The following SCP2 variants were observed in gnomAD, a reference collection of about 807,000 sequenced individuals.
SCP2 encodes the protein SCP-2/3-oxoacyl-CoA thiolase.
Under a neutral mutation model 71.4 loss-of-function variants are expected in SCP2, and 48 were observed. The ratio of observed to expected loss-of-function variants is 0.67; its 90% confidence interval spans 0.53 to 0.86. The LOEUF is 0.86. SCP2 is among the 40% of genes least tolerant of loss of function. The pLI, the probability that SCP2 is intolerant of heterozygous loss-of-function variation, is 0.00. For synonymous variants in SCP2, 220 were observed against 218.1 expected, an observed-to-expected ratio of 1.01 and a Z score of -0.08; for missense variants, 560 against 655.6, an observed-to-expected ratio of 0.85 and a Z score of 1.59.
chr1:53,036,999 A>G (rs1484713709), intron 13 of SCP2, among the ~76,000 whole-genome samples: 1 of 151,910 alleles, frequency 6.6e-6, no homozygotes, highest in Admixed American at 6.6e-5. Context: ...AAAAATTAGC[A>G]TGGTGGCGTG....
intron 3 of SCP2, among the ~76,000 whole-genome samples, chr1:52,949,892 T>C (rs1256618601): frequency 1.3e-5 from 2 of 152,196 alleles, no homozygotes; most frequent in Non-Finnish European, 2.9e-5. Flanking sequence ...TAAGAGAAGT[T>C]ACTATTTATT....
chr1:52,945,340 T>C (rs1654679513), intron 2 of SCP2, among the ~76,000 whole-genome samples: 1 of 151,886 alleles, frequency 6.6e-6, no homozygotes, highest in South Asian at 2.1e-4. Context: ...TACTCGCCAC[T>C]GTGCACAGCT....
At chr1:53,027,801 C>T (rs995211610) in intron 12 of SCP2, among the ~76,000 whole-genome samples, 168 bp from the exon 13 acceptor site, 5 of 152,176 alleles carry the variant, frequency 3.3e-5, no homozygotes, top group African/African-American at 9.7e-5. Context: ...CCATCGCGCC[C>T]GGCCAAGCTT....
chr1:52,927,784 C>T (rs1011294451), intron 1 of SCP2, among the ~76,000 whole-genome samples: 1 of 152,096 alleles, frequency 6.6e-6, no homozygotes, highest in African/African-American at 2.4e-5. Flanking sequence ...GGAGGCAGGT[C>T]GCGAATGCCG....
At chr1:53,024,307 G>C (rs570337727) in intron 12 of SCP2, among the ~76,000 whole-genome samples, 4 of 152,182 alleles carry the variant, frequency 2.6e-5, no homozygotes, top group South Asian at 4.2e-4. Context: ...TTGGAAGCAG[G>C]GGGGAGTGAG....
At chr1:52,943,622 A>G (rs1654489552) in intron 2 of SCP2, 4 of 429,966 alleles carry the variant, frequency 9.3e-6, no homozygotes, top group Admixed American at 7.7e-5. Context: ...GGTGTCTTCA[A>G]AAAGGCCAAC....
rs1249356889 is a variant in SCP2 at position 52,995,917 on chromosome 1, A to G, written c.1081+7781A>G. The G allele has an allele frequency of 8.1e-6, 12 of 1,489,348 alleles. No individual in the cohort carries two copies. The Admixed American group carries it at 1.3e-4, about 17-fold the overall frequency. The allele number at this position is 1,489,348 out of a possible 1,614,324, so 92.3% of individuals were successfully genotyped here. ...AGGGCATGGATGAGACGAGAGTTCA[A>G]CAAGGCTGAGAGCAACATGAACGAC... is the stretch of plus-strand genomic sequence containing the variant. On this transcript the variant is annotated intron_variant, in intron 11 of 15. Transcript: ENST00000371514.
chr1:52,959,581 A>G (rs1656145693), intron 5 of SCP2, among the ~76,000 whole-genome samples: 1 of 151,938 alleles, frequency 6.6e-6, no homozygotes, highest in Non-Finnish European at 1.5e-5. Flanking sequence ...AAAGTTTTCA[A>G]TCTTCTGAGT....
At chr1:53,037,905 CACACACACACACACACA>C (rs1663089669) in intron 13 of SCP2, among the ~76,000 whole-genome samples, 1 of 102,728 alleles carries the variant, frequency 9.7e-6, no homozygotes, top group South Asian at 3.2e-4. Context: ...CACACACACA[CACACACACACACACACA>C]CACACACAGA....
chr1:52,966,843 A>G (rs1657009300), intron 6 of SCP2, among the ~76,000 whole-genome samples: 1 of 151,886 alleles, frequency 6.6e-6, no homozygotes, highest in South Asian at 2.1e-4. Flanking sequence ...CAGTGAGCCG[A>G]GATCATGCCA....
intron 11 of SCP2, among the ~76,000 whole-genome samples, chr1:53,011,739 A>C (rs1661000099): frequency 6.6e-6 from 1 of 152,210 alleles, no homozygotes; most frequent in Non-Finnish European, 1.5e-5. Flanking sequence ...GAATTACAGA[A>C]TACCTCATCG....
chr1:52,991,190 G>T lies in SCP2; in HGVS notation c.1081+3054G>T, dbSNP rs371148428. On this transcript the variant is annotated intron_variant, in intron 11 of 15. Coordinates refer to ENST00000371514, the MANE Select transcript of SCP2 (RefSeq NM_002979.5). ...TCCTAGTTTCTTATCTATAAAATGG[G>T]AATATAGTACCTACCTTATAAGGCT... is the stretch of plus-strand genomic sequence containing the variant. Among the ~76,000 whole-genome samples the T allele has an allele frequency of 4.6e-5, 7 of 152,120 alleles. No homozygotes were observed. The South Asian group carries it at 1.5e-3, about 32-fold the overall frequency.
At chr1:52,947,761 A>G (rs565513519) in intron 2 of SCP2, among the ~76,000 whole-genome samples, 2 of 152,320 alleles carry the variant, frequency 1.3e-5, no homozygotes, top group African/African-American at 4.8e-5. Context: ...ATGTAGATAG[A>G]TGTGAAGTTA....
chr1:52,985,992 G>A (rs1658949897), intron 10 of SCP2, among the ~76,000 whole-genome samples: 1 of 151,360 alleles, frequency 6.6e-6, no homozygotes, highest in Non-Finnish European at 1.5e-5. Context: ...TTTATATATT[G>A]TCTGTCTTTT....
chr1:52,938,043 A>G lies in SCP2; in HGVS notation c.70-3753A>G, dbSNP rs78838355. ...GCCACAGCATAGTAGGTAAATTGTC[A>G]TGCTGTTGGTGGCTGTGTCTTATGT... On this transcript the variant is annotated intron_variant, in intron 1 of 15. Transcript: ENST00000371514. Among the ~76,000 whole-genome samples the G allele has an allele frequency of 3.9e-5, 6 of 152,332 alleles. No individual in the cohort carries two copies. In the South Asian group the frequency reaches 6.2e-4, roughly 16 times the overall value.
At chr1:52,978,527 T>G (rs1465305351) in intron 9 of SCP2, among the ~76,000 whole-genome samples, 160 bp downstream of exon 9, 2 of 152,152 alleles carry the variant, frequency 1.3e-5, no homozygotes, top group Admixed American at 6.6e-5. Flanking sequence ...TCTTACAGAG[T>G]TAAGGGAAAA....
Position 52,950,749 on chromosome 1 carries a change from A to C in SCP2, c.200-6A>C. ...TCCATATTAAAATTTTTGTTTTTCT[A>C]TTCAGGTGACTCTACCTGTGGGCAG... is the stretch of plus-strand genomic sequence containing the variant. On this transcript the variant is annotated splice_polypyrimidine_tract_variant and splice_region_variant and intron_variant, in intron 3 of 15. Transcript: ENST00000371514. 6.2e-7 allele frequency: 1 copy of C among 1,613,110 alleles called. No individual in the cohort carries two copies. The highest frequency in any genetic ancestry group is 1.1e-5 in the South Asian group (1 of 91,052).
intron 2 of SCP2, among the ~76,000 whole-genome samples, chr1:52,947,503 AT>A (rs1654920293): frequency 6.6e-6 from 1 of 151,408 alleles, no homozygotes; most frequent in African/African-American, 2.4e-5. Context: ...TACTTACATA[AT>A]TTTTCTCAGT....
At chr1:53,019,113 T>C (rs1023740851) in intron 12 of SCP2, among the ~76,000 whole-genome samples, 1 of 152,214 alleles carries the variant, frequency 6.6e-6, no homozygotes, top group Non-Finnish European at 1.5e-5. Context: ...GTGCATCATA[T>C]CTGGAGGTGC....
Sources: gnomAD v4.1 joint callset for allele counts (sites outside exome capture counted in the v4.1 genomes callset) on GRCh38, gnomAD v4.1.1 for gene constraint, MANE v1.5 for transcripts, NCBI Gene and HGNC (gene_info 2026-07-23, HGNC 2026-07-21) for gene names.